The following GEN1 variants were observed in gnomAD, a reference collection of about 807,000 sequenced individuals.
GEN1 encodes the protein flap endonuclease GEN homolog 1.
GEN1 carries 64 observed loss-of-function variants against 67.6 expected under a neutral mutation model. The ratio of observed to expected loss-of-function variants is 0.95; its 90% CI spans 0.77 to 1.17. The LOEUF is 1.17. Among genes scored for constraint, GEN1 ranks in the 50% most tolerant of loss-of-function variants. The pLI is 0.00. For missense variants in GEN1, 1,058 were observed against 1,048.3 expected (o/e 1.01, Z -0.13); for synonymous variants, 371 against 359.4 (o/e 1.03, Z -0.37).
rs894020819 is a variant in GEN1, at chr2:17,772,576, T to G, written c.803-58T>G. ...TTTAGATACTGGCAAAAAGAATGTA[T>G]GTAGAAAGTAATTATAAAAGGCAAA... is the stretch of plus-strand genomic sequence containing the variant. On this transcript the variant is annotated intron_variant, in intron 7 of 13. Transcript: ENST00000381254. 17 of 1,474,090 alleles carry G rather than the reference T, an allele frequency of 1.2e-5. No homozygotes were observed. The Middle Eastern group carries it at 5.4e-4, about 47-fold the overall frequency. The allele number at this position is 1,474,090 out of a possible 1,614,324, so 91.3% of individuals were successfully genotyped here. A position where few individuals can be genotyped will look rare whatever the true frequency, so the allele number is the denominator to read the frequency against.
In GEN1 at chr2:17,760,117, C is replaced by T. The variant is rs1041164851; in HGVS notation, c.161+13C>T. The T allele has an allele frequency of 6.2e-7, 1 of 1,611,810 alleles. No individual in the cohort carries two copies. Reference sequence around the variant, plus strand: ...AGCCCCACCTCAGGTATAGTAAAAGCTCTTACAGTATAAATGTATGATGTA... The same window carrying T: ...AGCCCCACCTCAGGTATAGTAAAAGTTCTTACAGTATAAATGTATGATGTA... On this transcript the variant is annotated intron_variant, in intron 2 of 13. Coordinates refer to ENST00000381254, the MANE Select transcript of GEN1 (RefSeq NM_001130009.3).
At chr2:17,773,976 G>C (rs1672312370) in intron 10 of GEN1, among the ~76,000 whole-genome samples, 5 of 152,066 alleles carry the variant, frequency 3.3e-5, no homozygotes, top group Admixed American at 2.6e-4. Context: ...TTTGTAATCT[G>C]TGAAGTGGGT....
chr2:17,776,568 A>G (rs1291248879), intron 11 of GEN1, among the ~76,000 whole-genome samples: 1 of 152,230 alleles, frequency 6.6e-6, no homozygotes, highest in Admixed American at 6.5e-5. Flanking sequence ...GTGAGTATTC[A>G]TTGTACTATT....
At chr2:17,777,087 C>T (rs1672466487) in intron 11 of GEN1, among the ~76,000 whole-genome samples, 2 of 151,820 alleles carry the variant, frequency 1.3e-5, no homozygotes, top group South Asian at 4.2e-4. Flanking sequence ...GATGGTGCCA[C>T]TGCACTCCAG....
chr2:17,777,678 TAAAG>T (rs932002264), intron 11 of GEN1, among the ~76,000 whole-genome samples: 2 of 152,018 alleles, frequency 1.3e-5, no homozygotes, highest in African/African-American at 4.8e-5. Context: ...AGTTTGAAAA[TAAAG>T]AGATTTAAGA....
At position 17,785,225 on chromosome 2, in the gene GEN1, T is replaced by C. The variant is rs1039050231; in HGVS notation, c.*3286T>C. On this transcript the variant is annotated 3_prime_UTR_variant, in exon 14 of 14. Transcript: ENST00000381254. The stretch of plus-strand genomic sequence containing the variant: ...CCAGAAAGGTTGGGGACTGCTGATA[T>C]ACCTAATATAGGCATAAGTGTAAAA... The C allele has an allele frequency of 6.6e-6, 1 of 152,228 alleles. No individual in the cohort carries two copies. The highest frequency in any genetic ancestry group is 2.4e-5 in the African/African-American group (1 of 41,444). The allele number at this position is 152,228 out of a possible 1,614,324, so 9.4% of individuals were successfully genotyped here.
chr2:17,785,121 G>A lies in GEN1; in HGVS notation c.*3182G>A, dbSNP rs1572432912. 6 of 152,288 alleles carry A rather than the reference G, an allele frequency of 3.9e-5. No individual in the cohort carries two copies. Among genetic ancestry groups the A allele is most frequent in the Admixed American group, 3.9e-4 (6 of 15,302 alleles). 9.4% of individuals were successfully genotyped at this position (152,288 alleles called of 1,614,324 possible). ...AGAATCTAATGCCTGATGATATAAG[G>A]TGGAACAGCTTCATCCCACAGCCAT... On this transcript the variant is annotated 3_prime_UTR_variant, in exon 14 of 14. Coordinates refer to ENST00000381254, the MANE Select transcript of GEN1 (RefSeq NM_001130009.3).
Position 17,774,299 on chromosome 2 carries a change from C to T in GEN1, c.1100C>T (p.Pro367Leu). ...QRFTLEKMEW[P>L]NHYACEKLLV... ...TTTACTCTTGAAAAAATGGAGTGGC[C>T]CAATCACTATGCATGTGAGAAATTG... Residue 367 changes from proline to leucine, a missense_variant, in exon 11 of 14, where the codon CCC becomes CTC. Transcript: ENST00000381254. 1.9e-6 allele frequency: 3 copies of T among 1,581,600 alleles called. No homozygotes were observed. Among genetic ancestry groups the T allele is most frequent in the Non-Finnish European group, 1.7e-6 (2 of 1,157,116 alleles).
chr2:17,764,750 A>C, intron 3 of GEN1, 147 bp from the exon 4 acceptor site: 1 of 690,618 alleles, frequency 1.4e-6, no homozygotes, highest in Non-Finnish European at 2.2e-6. Context: ...GTCATTGTTC[A>C]AATTTCCAAG....
At chr2:17,771,711 C>G (rs1477783151) in intron 7 of GEN1, among the ~76,000 whole-genome samples, 1 of 151,370 alleles carries the variant, frequency 6.6e-6, no homozygotes, top group African/African-American at 2.4e-5. Context: ...TGTGTGAAGA[C>G]AGTGACTTAA....
upstream of GEN1, chr2:17,754,132 C>G (rs1572381204): frequency 6.6e-6 from 1 of 152,138 alleles, no homozygotes; most frequent in South Asian, 2.1e-4. Flanking sequence ...GCCGCGCGGG[C>G]CCGGCGCTGG....
At position 17,761,506 on chromosome 2, in the gene GEN1, A is replaced by G; in HGVS notation, c.272A>G (p.Gln91Arg). Residue 91 changes from glutamine to arginine, a missense_variant, in exon 3 of 14, where the codon CAG becomes CGG. Gln to Arg is a conservative substitution (Grantham distance 43). Coordinates refer to ENST00000381254, the MANE Select transcript of GEN1 (RefSeq NM_001130009.3). Reference protein sequence around the residue: ...LKADVISKRNQSRYGSSGKSW... With the variant: ...LKADVISKRNRSRYGSSGKSW... ...GCTGATGTCATAAGCAAGAGGAATCAGTCTCGGTATGGGTCTTCTGGAAAA... is the reference window on the plus strand; with the variant it reads ...GCTGATGTCATAAGCAAGAGGAATCGGTCTCGGTATGGGTCTTCTGGAAAA... 6.2e-7 allele frequency: 1 copy of G among 1,613,486 alleles called. No individual in the cohort carries two copies. The highest frequency in any genetic ancestry group is 8.5e-7 in the Non-Finnish European group (1 of 1,179,440).
chr2:17,784,860 G>C lies in GEN1; in HGVS notation c.*2921G>C, dbSNP rs1673001983. 1.3e-5 allele frequency: 2 copies of C among 152,206 alleles called. No individual in the cohort carries two copies. 9.4% of individuals were successfully genotyped at this position (152,206 alleles called of 1,614,324 possible). Reference sequence around the variant, plus strand: ...TAACAAAATTAGTTGGGAGTGGCCAGTCTGAGTTCATTTTGCTATATAGCT... The same window carrying C: ...TAACAAAATTAGTTGGGAGTGGCCACTCTGAGTTCATTTTGCTATATAGCT... On this transcript the variant is annotated 3_prime_UTR_variant, in exon 14 of 14. Coordinates refer to ENST00000381254, the MANE Select transcript of GEN1 (RefSeq NM_001130009.3).
At chr2:17,763,200 A>G (rs1182739973) in intron 3 of GEN1, among the ~76,000 whole-genome samples, 1 of 151,898 alleles carries the variant, frequency 6.6e-6, no homozygotes, top group Non-Finnish European at 1.5e-5. Context: ...CTGAAATTTT[A>G]TTTTCTACTC....
In GEN1 at chr2:17,759,961, G is replaced by T; in HGVS notation, c.18G>T (p.Leu6Phe). 1 of 1,613,928 alleles carries T rather than the reference G, an allele frequency of 6.2e-7. No individual in the cohort carries two copies. The highest frequency in any genetic ancestry group is 8.5e-7 in the Non-Finnish European group (1 of 1,179,948). The change falls in exon 2 of 14, where the codon TTG (leucine) becomes TTT (phenylalanine). Residue 6 changes from leucine to phenylalanine, a missense_variant. Leu to Phe is a conservative substitution (Grantham distance 22). Coordinates refer to ENST00000381254, the MANE Select transcript of GEN1 (RefSeq NM_001130009.3). MGVND[L>F]WQILEPVKQH... ...TCACCAGAATGGGAGTGAATGACTT[G>T]TGGCAAATTTTGGAGCCTGTTAAGC...
chr2:17,772,782 G>A lies in GEN1; in HGVS notation c.951G>A (p.Lys317=). ...TCAGTGAAGTAGAGAACAATATTAA[G>A]AAGTAAGTTTTTTTAAAAACTCATG... ...RQLSEVENNI[K]KKACCCEGFP... is the part of the protein sequence containing the mutation. Residue 317 remains lysine, a splice_region_variant and synonymous_variant, in exon 8 of 14, where the codon AAG becomes AAA. Coordinates refer to ENST00000381254, the MANE Select transcript of GEN1 (RefSeq NM_001130009.3). 6.2e-7 allele frequency: 1 copy of A among 1,603,692 alleles called. No homozygotes were observed. The highest frequency in any genetic ancestry group is 8.5e-7 in the Non-Finnish European group (1 of 1,175,290).
intron 7 of GEN1, among the ~76,000 whole-genome samples, chr2:17,771,939 T>C (rs1328843804): frequency 1.3e-5 from 2 of 152,046 alleles, no homozygotes; most frequent in Non-Finnish European, 2.9e-5. Flanking sequence ...TATTAAATTA[T>C]AGATAAAATC....
In GEN1 at chr2:17,772,619, TGGG is replaced by T; in HGVS notation, c.803-14_803-12del. On this transcript the variant is annotated splice_polypyrimidine_tract_variant and intron_variant, in intron 7 of 13. Transcript: ENST00000381254. ...AAGGCAAAAAATATTATACTTTTTT[TGGG>T]TCTCCATAAAGGTTCACCTAAGGAT... The T allele has an allele frequency of 1.3e-6, 2 of 1,576,410 alleles. No individual in the cohort carries two copies. The highest frequency in any genetic ancestry group is 4.0e-5 in the Admixed American group (2 of 50,152).
chr2:17,772,887 C>T (rs1672259709), intron 8 of GEN1, 103 bp downstream of exon 8: 3 of 1,121,522 alleles, frequency 2.7e-6, no homozygotes, highest in Admixed American at 3.0e-5. Context: ...AGATTAGTCA[C>T]ATGTTTAACT....
Sources: gnomAD v4.1 joint callset for allele counts (sites outside exome capture counted in the v4.1 genomes callset) on GRCh38, gnomAD v4.1.1 for gene constraint, MANE v1.5 for transcripts, NCBI Gene and HGNC (gene_info 2026-07-23, HGNC 2026-07-21) for gene names.